SETBP1: variants seen among roughly 807,000 people sequenced by gnomAD.
The protein encoded by SETBP1 is SET binding protein 1.
SETBP1 carries 9 observed loss-of-function variants against 101.0 expected under a neutral mutation model. The observed-to-expected ratio is 0.09, with a 90% CI of 0.05 to 0.16. SETBP1 has a LOEUF of 0.16. Ranked by LOEUF, SETBP1 falls within the 10% of genes least tolerant of loss-of-function variation. The pLI, the probability that SETBP1 is intolerant of heterozygous loss-of-function variation, is 1.00. For synonymous variants in SETBP1, 818 were observed against 788.5 expected, an observed-to-expected ratio of 1.04 and a Z score of -0.63; for missense variants, 1,858 against 2,033.8, an observed-to-expected ratio of 0.91 and a Z score of 1.66.
intron 2 of SETBP1, among the ~76,000 whole-genome samples, chr18:44,813,100 A>G (rs910291437): frequency 3.3e-5 from 5 of 152,134 alleles, no homozygotes; most frequent in African/African-American, 7.2e-5. Context: ...GAAAGAAACC[A>G]ATGCGGTTTC....
At chr18:44,876,830 G>A in intron 3 of SETBP1, 2 of 1,431,380 alleles carry the variant, frequency 1.4e-6, no homozygotes, top group Non-Finnish European at 1.8e-6. Flanking sequence ...ACTTGCCCAA[G>A]ATTGTAAACT....
At chr18:45,054,076 C>A (rs1222018551) in intron 5 of SETBP1, among the ~76,000 whole-genome samples, 1 of 152,116 alleles carries the variant, frequency 6.6e-6, no homozygotes, top group Admixed American at 6.6e-5. Flanking sequence ...CATATTACAA[C>A]AAACAAAAGC....
chr18:44,994,792 A>G (rs1468501943), intron 4 of SETBP1, among the ~76,000 whole-genome samples: 1 of 152,252 alleles, frequency 6.6e-6, no homozygotes, highest in Non-Finnish European at 1.5e-5. Flanking sequence ...CCCAATATCT[A>G]CAAAATTCAA....
At chr18:44,944,264 C>G (rs1428636185) in intron 3 of SETBP1, among the ~76,000 whole-genome samples, 1 of 152,142 alleles carries the variant, frequency 6.6e-6, no homozygotes, top group African/African-American at 2.4e-5. Context: ...GAGAGCAAAA[C>G]AGGAATGCTC....
chr18:44,983,338 T>A (rs2072156511), intron 4 of SETBP1, among the ~76,000 whole-genome samples: 1 of 152,210 alleles, frequency 6.6e-6, no homozygotes, highest in Admixed American at 6.5e-5. Context: ...GCTTGTGAAA[T>A]GTTAGGTGCT....
At chr18:45,028,781 A>G (rs1286202053) in intron 4 of SETBP1, among the ~76,000 whole-genome samples, 1 of 151,950 alleles carries the variant, frequency 6.6e-6, no homozygotes, top group Admixed American at 6.5e-5. Context: ...GCATTTTTTC[A>G]TGTGTTTTTT....
chr18:44,703,982 G>T (rs537164420), intron 2 of SETBP1, among the ~76,000 whole-genome samples: 64 of 152,306 alleles, frequency 4.2e-4, no homozygotes, highest in African/African-American at 1.5e-3. Context: ...CTTGAGTAAT[G>T]GTTACCCTTT....
At chr18:44,744,782 A>AT (rs751260395) in intron 2 of SETBP1, among the ~76,000 whole-genome samples, 21 of 96,074 alleles carry the variant, frequency 2.2e-4, no homozygotes, top group Non-Finnish European at 4.9e-4. Flanking sequence ...AAAAAAAAAA[A>AT]CAAAAAAAAA....
intron 5 of SETBP1, among the ~76,000 whole-genome samples, chr18:45,062,022 T>TTG (rs148174411): frequency 9.9e-5 from 15 of 151,068 alleles, no homozygotes; most frequent in South Asian, 4.2e-4. Flanking sequence ...ATGTGCCCAT[T>TTG]TGTGTGTGTG....
Position 44,805,649 on chromosome 18 carries a change from T to C in SETBP1, c.487-63581T>C, listed in dbSNP as rs73487181. Among the ~76,000 whole-genome samples, 910 of 152,276 alleles carry C rather than the reference T, an allele frequency of 6.0e-3. 10 individuals are homozygous for C. The highest frequency in any genetic ancestry group is 0.021 in the African/African-American group (854 of 41,554). ...GTCTGTTAAACTGTTCTTTCTTTATTTCAGGCATTTGCTTTTTCTTCTGAT... is the reference window on the plus strand; with the variant it reads ...GTCTGTTAAACTGTTCTTTCTTTATCTCAGGCATTTGCTTTTTCTTCTGAT... On this transcript the variant is annotated intron_variant, in intron 2 of 5. Transcript: ENST00000649279.
At chr18:44,789,099 G>A (rs939323371) in intron 2 of SETBP1, among the ~76,000 whole-genome samples, 1 of 151,952 alleles carries the variant, frequency 6.6e-6, no homozygotes, top group Admixed American at 6.6e-5. Context: ...CACCGCACCC[G>A]GCTTCCTCCT....
intron 5 of SETBP1, among the ~76,000 whole-genome samples, chr18:45,051,966 A>G (rs2073729588): frequency 6.6e-6 from 1 of 152,198 alleles, no homozygotes; most frequent in African/African-American, 2.4e-5. Flanking sequence ...ACATCCTTTC[A>G]TGCCTCAAAC....
intron 4 of SETBP1, among the ~76,000 whole-genome samples, chr18:45,036,378 C>T (rs1358566883): frequency 6.6e-6 from 1 of 151,648 alleles, no homozygotes; most frequent in Non-Finnish European, 1.5e-5. Context: ...CTCCCTCTTC[C>T]TTACCAGTCT....
At chr18:45,047,943 A>T (rs1568049857) in intron 5 of SETBP1, among the ~76,000 whole-genome samples, 1 of 152,180 alleles carries the variant, frequency 6.6e-6, no homozygotes, top group South Asian at 2.1e-4. Flanking sequence ...CTTCCCAAGG[A>T]GTCTCCTCCT....
chr18:44,904,243 C>CT (rs1275387287), intron 3 of SETBP1, among the ~76,000 whole-genome samples: 2 of 152,188 alleles, frequency 1.3e-5, no homozygotes, highest in Non-Finnish European at 1.5e-5. Flanking sequence ...CTGTGACTAA[C>CT]TTTTTTTGTT....
intron 4 of SETBP1, among the ~76,000 whole-genome samples, chr18:45,003,763 A>G (rs962198819): frequency 6.6e-6 from 1 of 151,762 alleles, no homozygotes; most frequent in Non-Finnish European, 1.5e-5. Context: ...CTAGTTGCAT[A>G]GGCACCCAAA....
intron 3 of SETBP1, among the ~76,000 whole-genome samples, chr18:44,921,961 C>T (rs7245292): frequency 0.11 from 16,265 of 152,152 alleles, 845 homozygotes; most frequent in East Asian, 0.14. Flanking sequence ...GTTACTATGA[C>T]CCATGTATTT....
chr18:45,040,485 A>G (rs2073486701), intron 5 of SETBP1, among the ~76,000 whole-genome samples: 1 of 152,188 alleles, frequency 6.6e-6, no homozygotes, highest in South Asian at 2.1e-4. Flanking sequence ...TGGTTATTCA[A>G]CCTTGTCGAT....
Position 44,950,823 on chromosome 18 carries a change from T to A in SETBP1, c.1483T>A (p.Ser495Thr), listed in dbSNP as rs138515058. 2.9e-4 allele frequency: 471 copies of A among 1,614,062 alleles called. No individual in the cohort carries two copies. The African/African-American group carries it at 5.8e-3, about 20-fold the overall frequency. ...NAEKVIPGGV[S>T]KPRKPPMVMT... ...TGAGAAAGTTATCCCAGGAGGTGTG[T>A]CTAAGCCGCGGAAGCCACCCATGGT... The change falls in exon 4 of 6, where the codon TCT (serine) becomes ACT (threonine). Residue 495 changes from serine to threonine, a missense_variant. Around this residue, in one of 12 missense-constraint regions of SETBP1, gnomAD observed 581 missense variants for 535.1 expected, o/e 1.09. Coordinates refer to ENST00000649279, the MANE Select transcript of SETBP1 (RefSeq NM_015559.3).
Sources: allele counts gnomAD v4.1 joint callset (sites outside exome capture counted in the v4.1 genomes callset), GRCh38; gene constraint gnomAD v4.1.1; regional missense constraint gnomAD v4.1.1; transcripts MANE v1.5; gene names NCBI Gene and HGNC (gene_info 2026-07-23, HGNC 2026-07-21).